The following SLC22A25 variants were observed in gnomAD, a reference collection of about 807,000 sequenced individuals.
SLC22A25 encodes the protein MGI:2442751, MGI:2385316, MGI:3042283, MGI:3645714, MGI:3605624, MGI:2442750.
SLC22A25 carries 44 observed loss-of-function variants against 45.9 expected under a neutral mutation model. The ratio of observed to expected loss-of-function variants is 0.96; its 90% CI spans 0.75 to 1.23. The LOEUF (loss-of-function observed/expected upper bound fraction) is 1.23. SLC22A25 is among the 50% of genes most tolerant of loss of function. SLC22A25 has a pLI of 0.00. For missense variants in SLC22A25, 800 were observed against 666.4 expected, an observed-to-expected ratio of 1.20 and a Z score of -2.21; for synonymous variants, 283 against 238.6, an observed-to-expected ratio of 1.19 and a Z score of -1.72.
At chr11:63,178,351 A>T (rs554033673) in intron 9 of SLC22A25, among the ~76,000 whole-genome samples, 14 of 152,266 alleles carry the variant, frequency 9.2e-5, no homozygotes, top group African/African-American at 3.4e-4. Context: ...AGACTGCTGG[A>T]TAATATGGTA....
At chr11:63,190,100 A>T (rs2088741804) in intron 7 of SLC22A25, among the ~76,000 whole-genome samples, 1 of 152,110 alleles carries the variant, frequency 6.6e-6, no homozygotes, top group Non-Finnish European at 1.5e-5. Flanking sequence ...CTGCCTTGCT[A>T]GATTGGGGAA....
At position 63,163,378 on chromosome 11, in the gene SLC22A25, G is replaced by C. The variant is rs1197169919; in HGVS notation, c.*446C>G. ...ACTGAATCTCACATGTGATACAAAA[G>C]GACTTCTCATCTGTGGGAGGGGCTC... is the stretch of plus-strand genomic sequence containing the variant. On this transcript the variant is annotated 3_prime_UTR_variant, in exon 12 of 12. Coordinates refer to ENST00000306494, the MANE Select transcript of SLC22A25 (RefSeq NM_199352.6). 6.6e-6 allele frequency among the ~76,000 whole-genome samples: 1 copy of C among 152,054 alleles called. No homozygotes were observed. The highest frequency in any genetic ancestry group is 2.4e-5 in the African/African-American group (1 of 41,412).
chr11:63,180,399 C>T (rs1277523440), intron 9 of SLC22A25, among the ~76,000 whole-genome samples: 1 of 152,108 alleles, frequency 6.6e-6, no homozygotes, highest in Non-Finnish European at 1.5e-5. Context: ...GAGTCTAAAC[C>T]TATACTATAA....
chr11:63,194,036 A>G (rs2088911543), intron 7 of SLC22A25, among the ~76,000 whole-genome samples: 1 of 152,228 alleles, frequency 6.6e-6, no homozygotes, highest in South Asian at 2.1e-4. Context: ...TCAGTAGCCA[A>G]TTCGATCAAG....
At chr11:63,211,950 T>A (rs58347848) in intron 7 of SLC22A25, among the ~76,000 whole-genome samples, 15 of 150,876 alleles carry the variant, frequency 9.9e-5, no homozygotes, top group Non-Finnish European at 8.9e-5. Flanking sequence ...GAATCTACAA[T>A]GAACTCAAAC....
chr11:63,212,223 C>G (rs1429302618), intron 7 of SLC22A25, among the ~76,000 whole-genome samples: 1 of 29,408 alleles, frequency 3.4e-5, no homozygotes, highest in Non-Finnish European at 6.6e-5. Flanking sequence ...GTTGGTGGGA[C>G]TGTAAACTAG....
intron 5 of SLC22A25, chr11:63,220,083 T>C: frequency 9.2e-7 from 1 of 1,083,014 alleles, no homozygotes; most frequent in Non-Finnish European, 1.2e-6. Flanking sequence ...TGTCACAGAC[T>C]GTGACAATAT....
In SLC22A25 at chr11:63,180,732, T is replaced by C. The variant is rs2088289339; in HGVS notation, c.998A>G (p.Lys333Arg). 6.2e-7 allele frequency: 1 copy of C among 1,613,152 alleles called. No individual in the cohort carries two copies. The highest frequency in any genetic ancestry group is 1.3e-5 in the African/African-American group (1 of 74,862). The change falls in exon 9 of 12, where the codon AAA becomes AGA. Residue 333 changes from lysine (K) to arginine (R), a missense_variant. Physicochemically the swap from Lys to Arg is conservative, Grantham distance 26. Coordinates refer to ENST00000306494, the MANE Select transcript of SLC22A25 (RefSeq NM_199352.6). ...GAGCAATTCACAAAGAGAATGCTTT[T>C]TCTGTGCTGCCTCCAGTTCTTGCTT... ...TMKQELEAAQ[K>R]KHSLCELLRI...
intron 1 of SLC22A25, among the ~76,000 whole-genome samples, chr11:63,242,574 C>G (rs2090267148): frequency 6.6e-6 from 1 of 152,170 alleles, no homozygotes. Flanking sequence ...AAAACTTCCT[C>G]TTCCTGTGTG....
At chr11:63,233,540 G>T (rs1182000966) in intron 3 of SLC22A25, among the ~76,000 whole-genome samples, 2 of 151,812 alleles carry the variant, frequency 1.3e-5, no homozygotes, top group Non-Finnish European at 2.9e-5. Context: ...TTCTTTATTA[G>T]TCCTGCTAGC....
chr11:63,175,375 A>G (rs2134723265), intron 9 of SLC22A25, among the ~76,000 whole-genome samples: 1 of 152,182 alleles, frequency 6.6e-6, no homozygotes, highest in Admixed American at 6.6e-5. Context: ...GATTTTGAGC[A>G]CATTTTCCAT....
At position 63,166,296 on chromosome 11, in the gene SLC22A25, G is replaced by A. The variant is rs374247847; in HGVS notation, c.1071-38C>T. On this transcript the variant is annotated intron_variant, in intron 9 of 11. Coordinates refer to ENST00000306494, the MANE Select transcript of SLC22A25 (RefSeq NM_199352.6). ...CAGAAAAAGGCACATATTATAATCT[G>A]TGGAACCTAAATCCTACAAATGAGA... 2,339 of 1,607,138 alleles carry A rather than the reference G, an allele frequency of 1.5e-3. 5 individuals carry two copies. Among genetic ancestry groups the A allele is most frequent in the Middle Eastern group, 2.0e-3 (12 of 6,044 alleles).
Position 63,236,682 on chromosome 11 carries a change from A to C in SLC22A25, c.-445+1199T>G, listed in dbSNP as rs1351889357. Among the ~76,000 whole-genome samples, 3 of 151,720 alleles carry C rather than the reference A, an allele frequency of 2.0e-5. No individual in the cohort carries two copies. The South Asian group carries it at 6.3e-4, about 32-fold the overall frequency. On this transcript the variant is annotated intron_variant, in intron 3 of 11. Transcript: ENST00000306494. Reference sequence around the variant, plus strand: ...CACTGTCCCGCACCCACTGTCTGGCACTCCCCAGTGAGATGAACCCAGTAC... The same window carrying C: ...CACTGTCCCGCACCCACTGTCTGGCCCTCCCCAGTGAGATGAACCCAGTAC...
chr11:63,212,889 TA>T (rs1381724635), intron 7 of SLC22A25, among the ~76,000 whole-genome samples: 1 of 152,192 alleles, frequency 6.6e-6, no homozygotes, highest in South Asian at 2.1e-4. Context: ...AATTGTGTGC[TA>T]TTACAATACA....
chr11:63,181,673 C>T (rs1387966548), intron 8 of SLC22A25, among the ~76,000 whole-genome samples: 1 of 151,966 alleles, frequency 6.6e-6, no homozygotes, highest in Non-Finnish European at 1.5e-5. Context: ...GACAGGCATG[C>T]TGTAGTGCCC....
At chr11:63,219,839 G>T in intron 5 of SLC22A25, 2 of 1,037,612 alleles carry the variant, frequency 1.9e-6, no homozygotes, top group Non-Finnish European at 2.6e-6. Flanking sequence ...CCAGAGAGCT[G>T]GGTTACTGGA....
rs1225352103 is a variant in SLC22A25, at chr11:63,229,496, T to C, written c.157A>G (p.Ile53Val). 1.9e-6 allele frequency: 3 copies of C among 1,614,146 alleles called. No individual in the cohort carries two copies. The highest frequency in any genetic ancestry group is 2.5e-6 in the Non-Finnish European group (3 of 1,180,010). ...FILDHRCWVH[I>V]LDNDTIPDND... is the part of the protein sequence containing the mutation. Reference sequence around the variant, plus strand: ...TCAGGGATAGTGTCATTGTCCAGTATATGAACCCAGCAGCGATGATCAAGT... The same window carrying C: ...TCAGGGATAGTGTCATTGTCCAGTACATGAACCCAGCAGCGATGATCAAGT... Residue 53 changes from isoleucine to valine, a missense_variant, in exon 4 of 12, where the codon ATA becomes GTA. Physicochemically the swap from Ile to Val is conservative, Grantham distance 29. Coordinates refer to ENST00000306494, the MANE Select transcript of SLC22A25 (RefSeq NM_199352.6).
intron 4 of SLC22A25, among the ~76,000 whole-genome samples, chr11:63,228,945 C>T (rs2090015819): frequency 1.3e-5 from 2 of 152,186 alleles, no homozygotes; most frequent in South Asian, 4.1e-4. Context: ...TTATAATTTT[C>T]AACCACAGGC....
intron 2 of SLC22A25, among the ~76,000 whole-genome samples, chr11:63,238,464 A>G (rs1337359108): frequency 6.6e-6 from 1 of 152,234 alleles, no homozygotes; most frequent in African/African-American, 2.4e-5. Context: ...AACAAAATAC[A>G]TGAAATACTT....
Sources: allele counts gnomAD v4.1 joint callset (sites outside exome capture counted in the v4.1 genomes callset), GRCh38; gene constraint gnomAD v4.1.1; transcripts MANE v1.5; gene names NCBI Gene and HGNC (gene_info 2026-07-23, HGNC 2026-07-21).